USP43: variants seen among roughly 807,000 people sequenced by gnomAD.
USP43 encodes the protein ubiquitin specific peptidase 43.
A neutral mutation model predicts 90.7 loss-of-function variants in USP43; 33 were observed. The ratio of observed to expected loss-of-function variants is 0.36; its 90% CI spans 0.28 to 0.49. The LOEUF (loss-of-function observed/expected upper bound fraction) is 0.49, where lower values mean the gene tolerates loss of function less well. Among genes scored for constraint, USP43 ranks in the 20% least tolerant of loss-of-function variants. The pLI is 0.98. For missense variants in USP43, 1,274 were observed against 1,476.4 expected (o/e 0.86, Z 2.25); for synonymous variants, 598 against 615.8 (o/e 0.97, Z 0.43).
chr17:9,647,846 TCCAAAAA>T (rs1414187467), intron 1 of USP43, among the ~76,000 whole-genome samples: 51 of 37,436 alleles, frequency 1.4e-3, no homozygotes, highest in South Asian at 4.2e-3. Flanking sequence ...TTACTAAAAA[TCCAAAAA>T]AAAAAAAAAA....
chr17:9,665,700 G>A (rs976920409), intron 2 of USP43, among the ~76,000 whole-genome samples: 1 of 152,152 alleles, frequency 6.6e-6, no homozygotes, highest in Non-Finnish European at 1.5e-5. Context: ...TTGAGATGGG[G>A]TCATTAACCT....
intron 14 of USP43, among the ~76,000 whole-genome samples, chr17:9,713,256 T>C (rs2151995931): frequency 6.6e-6 from 1 of 152,198 alleles, no homozygotes; most frequent in East Asian, 1.9e-4. Flanking sequence ...GCCTGGCTAA[T>C]TTTTGTACTT....
intron 14 of USP43, among the ~76,000 whole-genome samples, chr17:9,715,225 C>T (rs949816151): frequency 6.6e-6 from 1 of 152,116 alleles, no homozygotes; most frequent in Non-Finnish European, 1.5e-5. Flanking sequence ...TTTTGGGAGG[C>T]CAAGGTGGGA....
chr17:9,656,339 C>T (rs55968714), intron 1 of USP43, 64 bp from the exon 2 acceptor site: 145,619 of 1,563,742 alleles, frequency 0.093, 7,484 homozygotes, highest in African/African-American at 0.18. Context: ...CTGGTGCTCA[C>T]AGAGCCTTCA....
At chr17:9,671,783 G>C (rs865799850) in intron 3 of USP43, among the ~76,000 whole-genome samples, 1 of 152,082 alleles carries the variant, frequency 6.6e-6, no homozygotes, top group Non-Finnish European at 1.5e-5. Context: ...GGAGGGAATG[G>C]GGAGAATGGA....
intron 12 of USP43, among the ~76,000 whole-genome samples, chr17:9,705,582 C>T (rs1915823289): frequency 6.6e-6 from 1 of 151,934 alleles, no homozygotes; most frequent in Admixed American, 6.6e-5. Context: ...TGGTGAAACC[C>T]TGTCTCTACT....
rs558489834 is a variant in USP43 at position 9,682,755 on chromosome 17, G to A, written c.1106-68G>A. 3.3e-5 allele frequency: 52 copies of A among 1,564,674 alleles called. No individual in the cohort carries two copies. The African/African-American group carries it at 6.5e-4, about 20-fold the overall frequency. On this transcript the variant is annotated intron_variant, in intron 6 of 14. Coordinates refer to ENST00000285199, the MANE Select transcript of USP43 (RefSeq NM_153210.5). Reference sequence around the variant, plus strand: ...TCAAAGAGAAAGAGGGACTAGAGAAGCTAAGGCTCTGACCCAGGAAAGCAG... The same window carrying A: ...TCAAAGAGAAAGAGGGACTAGAGAAACTAAGGCTCTGACCCAGGAAAGCAG...
chr17:9,711,396 T>C (rs993935632), intron 13 of USP43, among the ~76,000 whole-genome samples: 17 of 152,336 alleles, frequency 1.1e-4, no homozygotes, highest in Admixed American at 4.6e-4. Context: ...TTTCAAAACT[T>C]GTCAACATAC....
rs757010193 is a variant in USP43 at position 9,645,867 on chromosome 17, C to A, written c.235C>A (p.Arg79Ser). ...PAAPGSPGEE[R>S]PPGPQPQLQL... Reference sequence around the variant, plus strand: ...GGCCCCCGGGAGCCCCGGGGAGGAACGCCCGCCCGGACCCCAGCCCCAGCT... The same window carrying A: ...GGCCCCCGGGAGCCCCGGGGAGGAAAGCCCGCCCGGACCCCAGCCCCAGCT... Residue 79 changes from arginine to serine, a missense_variant, in exon 1 of 15, where the codon CGC becomes AGC. Arg to Ser is a moderately radical substitution (Grantham distance 110). Coordinates refer to ENST00000285199, the MANE Select transcript of USP43 (RefSeq NM_153210.5). The surrounding 1 kb of genome is among the most constrained non-coding windows in gnomAD (Gnocchi z 6.8). 5.0e-5 allele frequency: 71 copies of A among 1,423,874 alleles called. No homozygotes were observed. Among genetic ancestry groups the A allele is most frequent in the Non-Finnish European group, 5.7e-5 (62 of 1,095,362 alleles). 88.2% of individuals were successfully genotyped at this position (1,423,874 alleles called of 1,614,324 possible).
At chr17:9,653,144 G>A (rs4791856) in intron 1 of USP43, among the ~76,000 whole-genome samples, 17,067 of 152,144 alleles carry the variant, frequency 0.11, 1,086 homozygotes, top group East Asian at 0.31. Flanking sequence ...CATTTTTAAG[G>A]CCCTATCTTG....
intron 14 of USP43, among the ~76,000 whole-genome samples, chr17:9,717,397 A>G (rs1345873832): frequency 6.7e-6 from 1 of 149,568 alleles, no homozygotes; most frequent in Admixed American, 6.6e-5. Context: ...GTGTGTATTC[A>G]TCAGCTGCTT....
At chr17:9,659,568 A>T (rs753728383) in intron 2 of USP43, among the ~76,000 whole-genome samples, 1 of 152,024 alleles carries the variant, frequency 6.6e-6, no homozygotes, top group Non-Finnish European at 1.5e-5. Context: ...GCTGCGTAGG[A>T]AAAGCCCTCT....
At position 9,676,814 on chromosome 17, in the gene USP43, C is replaced by T; in HGVS notation, c.902C>T (p.Pro301Leu). ...QRFLRVGLAV[P>L]ILSTVAALRK... ...TTCCTGCGGGTTGGCCTGGCCGTGC[C>T]GATCCTCAGCACAGTGGCAGCCCTG... Residue 301 changes from proline to leucine, a missense_variant, in exon 5 of 15, where the codon CCG becomes CTG. Physicochemically the swap from Pro to Leu is moderately conservative, Grantham distance 98 (BLOSUM62 -3). Around this residue, in one of 6 missense-constraint regions of USP43, gnomAD observed 259 missense variants for 373.7 expected, o/e 0.69. Coordinates refer to ENST00000285199, the MANE Select transcript of USP43 (RefSeq NM_153210.5). 2 of 1,613,956 alleles carry T rather than the reference C, an allele frequency of 1.2e-6. No homozygotes were observed. Among genetic ancestry groups the T allele is most frequent in the Non-Finnish European group, 1.7e-6 (2 of 1,179,880 alleles).
At chr17:9,679,494 G>A (rs1035677774) in intron 5 of USP43, among the ~76,000 whole-genome samples, 9 of 148,096 alleles carry the variant, frequency 6.1e-5, no homozygotes, top group South Asian at 2.2e-4. Context: ...CATGAGCCAC[G>A]GTGCCCAGCC....
At chr17:9,707,520 G>A (rs956315210) in intron 12 of USP43, among the ~76,000 whole-genome samples, 3 of 151,622 alleles carry the variant, frequency 2.0e-5, no homozygotes, top group Admixed American at 6.6e-5. Context: ...GGTGGCAGGC[G>A]CCTGTAGTCC....
intron 2 of USP43, among the ~76,000 whole-genome samples, chr17:9,659,996 G>A (rs1232316124): frequency 6.6e-6 from 1 of 152,166 alleles, no homozygotes; most frequent in Non-Finnish European, 1.5e-5. Context: ...ATTGCCAAAT[G>A]TCCTTTGGGA....
At position 9,674,886 on chromosome 17, in the gene USP43, C is replaced by T. The variant is rs778938327; in HGVS notation, c.741-5C>T. 2.4e-5 allele frequency: 38 copies of T among 1,613,454 alleles called. No individual in the cohort carries two copies. The South Asian group carries it at 4.1e-4, about 17-fold the overall frequency. ...AACGTTCGCCTCTGTTCTTCACCCT[C>T]ACAGATCTTCCTTGACTTGTCCCCA... On this transcript the variant is annotated splice_polypyrimidine_tract_variant and splice_region_variant and intron_variant, in intron 3 of 14. Transcript: ENST00000285199. This position sits in a 1 kb window ranked among gnomAD's most constrained non-coding sequence, Gnocchi z 4.4.
At chr17:9,694,660 T>A (rs1046688473) in intron 9 of USP43, among the ~76,000 whole-genome samples, 25 of 152,178 alleles carry the variant, frequency 1.6e-4, no homozygotes, top group Non-Finnish European at 3.4e-4. Context: ...TCTCGCTTTG[T>A]CTTCCAGGCT....
At chr17:9,645,466 G>T (rs1911296111), upstream of USP43, 2 of 575,612 alleles carry the variant, frequency 3.5e-6, no homozygotes, top group Non-Finnish European at 4.8e-6. The surrounding 1 kb of genome is among the most constrained non-coding windows in gnomAD (Gnocchi z 6.8). Context: ...CCGGATTCCC[G>T]CGCGGGGCGG....
Sources: allele counts gnomAD v4.1 joint callset (sites outside exome capture counted in the v4.1 genomes callset), GRCh38; gene constraint gnomAD v4.1.1; regional missense constraint gnomAD v4.1.1; non-coding constraint Gnocchi (gnomAD v3.1); transcripts MANE v1.5; gene names NCBI Gene and HGNC (gene_info 2026-07-23, HGNC 2026-07-21).